The following PCBD2 variants were observed in gnomAD, a reference collection of about 807,000 sequenced individuals.
PCBD2 encodes the protein pterin-4-alpha-carbinolamine dehydratase 2.
PCBD2 carries 12 observed loss-of-function variants against 16.4 expected under a neutral mutation model. That is an observed-to-expected ratio of 0.73 (90% CI 0.47 to 1.19). The LOEUF is 1.19. Among genes scored for constraint, PCBD2 ranks in the 50% most tolerant of loss-of-function variants. The probability of loss-of-function intolerance (pLI) is 0.00; values close to 1 mark genes in which losing one functional copy is unlikely to be tolerated. For missense variants in PCBD2, 138 were observed against 156.8 expected, an observed-to-expected ratio of 0.88 and a Z score of 0.64; for synonymous variants, 58 against 61.8, an observed-to-expected ratio of 0.94 and a Z score of 0.29.
chr5:134,910,333 A>G lies in PCBD2; in HGVS notation c.85-2A>G, dbSNP rs1303496357. ...CAGATATGAAATGTGTTCTCTTCAT[A>G]GTCATCAGGTACTCACAGGTTGACT... is the stretch of plus-strand genomic sequence containing the variant. On this transcript the variant is annotated splice_acceptor_variant, in intron 1 of 3. Transcript: ENST00000254908. LOFTEE classifies it high-confidence loss of function. 6.2e-7 allele frequency: 1 copy of G among 1,613,056 alleles called. No individual in the cohort carries two copies.
chr5:134,952,723 G>A (rs868696062), intron 2 of PCBD2, among the ~76,000 whole-genome samples: 2 of 151,760 alleles, frequency 1.3e-5, no homozygotes, highest in Non-Finnish European at 2.9e-5. Context: ...GATGGATCCC[G>A]TGAGCCCAGG....
intron 2 of PCBD2, among the ~76,000 whole-genome samples, chr5:134,934,711 A>G (rs1344198089): frequency 6.6e-6 from 1 of 152,190 alleles, no homozygotes; most frequent in East Asian, 1.9e-4. Flanking sequence ...TCAGCTTTTT[A>G]TATGCCACAG....
chr5:134,915,895 T>A (rs749992792), intron 2 of PCBD2, among the ~76,000 whole-genome samples: 4 of 152,148 alleles, frequency 2.6e-5, no homozygotes, highest in Non-Finnish European at 5.9e-5. Flanking sequence ...GCAGCACCTC[T>A]CCTGGCCTGA....
chr5:134,954,647 C>G (rs1240368515), intron 2 of PCBD2, among the ~76,000 whole-genome samples: 1 of 152,034 alleles, frequency 6.6e-6, no homozygotes, highest in Non-Finnish European at 1.5e-5. Flanking sequence ...GTATAAAATT[C>G]CTGGTTTTCA....
intron 2 of PCBD2, among the ~76,000 whole-genome samples, chr5:134,936,910 A>G (rs1233016068): frequency 1.3e-5 from 2 of 152,182 alleles, no homozygotes; most frequent in African/African-American, 4.8e-5. Context: ...TGAAGTGCAC[A>G]TTGCCAGATT....
In PCBD2 at chr5:134,923,665, T is replaced by A; in HGVS notation, c.216+13199T>A. 1.1e-5 allele frequency: 4 copies of A among 376,574 alleles called. No individual in the cohort carries two copies. In the South Asian group the frequency reaches 5.5e-4, roughly 52 times the overall value. 23.3% of individuals were successfully genotyped at this position (376,574 alleles called of 1,614,324 possible). ...TGGCCTCATGGGAGGACATAGCCCA[T>A]GAAGGCTGTTGCTATAGTTGTAAGT... On this transcript the variant is annotated intron_variant, in intron 2 of 3. Coordinates refer to ENST00000254908, the MANE Select transcript of PCBD2 (RefSeq NM_032151.5).
chr5:134,930,285 T>G (rs187540038), intron 2 of PCBD2, among the ~76,000 whole-genome samples: 29 of 152,154 alleles, frequency 1.9e-4, no homozygotes, highest in African/African-American at 7.0e-4. Flanking sequence ...GTTACCTAGT[T>G]GTATTTTGAA....
chr5:134,937,849 A>G (rs1449472693), intron 2 of PCBD2, among the ~76,000 whole-genome samples: 4 of 152,268 alleles, frequency 2.6e-5, no homozygotes, highest in East Asian at 3.8e-4. Flanking sequence ...TCAGTTTATC[A>G]GTCTGATGCA....
At chr5:134,949,010 G>A (rs540302052) in intron 2 of PCBD2, among the ~76,000 whole-genome samples, 135 of 152,160 alleles carry the variant, frequency 8.9e-4, no homozygotes, top group African/African-American at 3.2e-3. Context: ...GCTCTGTGGC[G>A]GATCAAGTAG....
At chr5:134,939,457 G>A (rs1751198898) in intron 2 of PCBD2, among the ~76,000 whole-genome samples, 1 of 152,016 alleles carries the variant, frequency 6.6e-6, no homozygotes, top group African/African-American at 2.4e-5. Context: ...CTTTTGGAGG[G>A]TGTTTTTAGG....
chr5:134,939,861 A>C (rs1751203892), intron 2 of PCBD2, among the ~76,000 whole-genome samples: 1 of 152,172 alleles, frequency 6.6e-6, no homozygotes, highest in Non-Finnish European at 1.5e-5. Flanking sequence ...ACCACCATGA[A>C]AAACCAGCCC....
intron 2 of PCBD2, among the ~76,000 whole-genome samples, chr5:134,919,790 T>C (rs975561187): frequency 6.6e-6 from 1 of 152,246 alleles, no homozygotes; most frequent in Non-Finnish European, 1.5e-5. Context: ...TGCTCATTTC[T>C]GTTCTGTTTC....
Position 134,961,007 on chromosome 5 carries a change from C to T in PCBD2, c.*326C>T, listed in dbSNP as rs183614157. The T allele has an allele frequency of 4.5e-3, 791 of 177,746 alleles. 6 individuals are homozygous for T. The highest frequency in any genetic ancestry group is 0.018 in the African/African-American group (757 of 41,976). 11.0% of individuals were successfully genotyped at this position (177,746 alleles called of 1,614,324 possible). A position where few individuals can be genotyped will look rare whatever the true frequency, so the allele number is the denominator to read the frequency against. ...GTCTCGAACTCCTGACCTCGTGATC[C>T]GCCTGCCTCAGCCTCCCAAAGTGCT... On this transcript the variant is annotated 3_prime_UTR_variant, in exon 4 of 4. Transcript: ENST00000254908.
chr5:134,906,894 GA>G (rs1210209558), intron 1 of PCBD2, among the ~76,000 whole-genome samples: 4 of 152,160 alleles, frequency 2.6e-5, no homozygotes, highest in Non-Finnish European at 4.4e-5. Flanking sequence ...CCCATCCCCT[GA>G]AAAAATTAAG....
chr5:134,933,291 A>G (rs1320345229), intron 2 of PCBD2, among the ~76,000 whole-genome samples: 1 of 152,174 alleles, frequency 6.6e-6, no homozygotes, highest in Non-Finnish European at 1.5e-5. Flanking sequence ...TGCAGGATTC[A>G]GTAGTGCCAT....
chr5:134,946,421 T>C (rs949307504), intron 2 of PCBD2, among the ~76,000 whole-genome samples: 2 of 152,196 alleles, frequency 1.3e-5, no homozygotes, highest in Non-Finnish European at 2.9e-5. Flanking sequence ...CATGGACACA[T>C]TGCTGCCGTT....
intron 2 of PCBD2, among the ~76,000 whole-genome samples, 192 bp downstream of exon 2, chr5:134,910,658 G>A (rs752539067): frequency 1.9e-4 from 29 of 152,224 alleles, no homozygotes; most frequent in Non-Finnish European, 3.7e-4. Context: ...GTTTAGCTCT[G>A]GGGGAAGAGG....
chr5:134,921,278 A>AT lies in PCBD2; in HGVS notation c.216+10819dup, dbSNP rs577230377. On this transcript the variant is annotated intron_variant, in intron 2 of 3. Coordinates refer to ENST00000254908, the MANE Select transcript of PCBD2 (RefSeq NM_032151.5). ...ACATCTGAATTGTACAAGGTGATTG[A>AT]TTTTTTTCAGCTTACCATGTTAGTC... 3.1e-3 allele frequency among the ~76,000 whole-genome samples: 472 copies of AT among 152,204 alleles called. 3 individuals are homozygous for AT. Among genetic ancestry groups the AT allele is most frequent in the African/African-American group, 0.011 (441 of 41,526 alleles).
At chr5:134,908,636 G>C (rs1461538120) in intron 1 of PCBD2, among the ~76,000 whole-genome samples, 2 of 147,408 alleles carry the variant, frequency 1.4e-5, no homozygotes, top group African/African-American at 5.1e-5. Flanking sequence ...CTGCACTCCA[G>C]CCTGGGTGAC....
Sources: gnomAD v4.1 joint callset for allele counts (sites outside exome capture counted in the v4.1 genomes callset) on GRCh38, gnomAD v4.1.1 for gene constraint, MANE v1.5 for transcripts, NCBI Gene and HGNC (gene_info 2026-07-23, HGNC 2026-07-21) for gene names.